Variants in FAM107A observed in about 807,000 individuals in gnomAD.
The protein encoded by FAM107A is family with sequence similarity 107 member A, also known as actin-associated protein FAM107A.
FAM107A carries 19 observed loss-of-function variants against 13.7 expected under a neutral mutation model. The observed-to-expected ratio is 1.38, with a 90% CI of 0.97 to 2.03. The LOEUF is 2.03. Among genes scored for constraint, FAM107A ranks in the 30% most tolerant of loss-of-function variants. The pLI is 0.00. For synonymous variants in FAM107A, 82 were observed against 74.5 expected (o/e 1.10, Z -0.52); for missense variants, 203 against 184.4 (o/e 1.10, Z -0.58).
chr3:58,617,524 C>T lies in FAM107A; in HGVS notation c.-70+9892G>A, dbSNP rs898634992. On this transcript the variant is annotated intron_variant, in intron 1 of 3. Transcript: ENST00000465970. This position sits in a 1 kb window ranked among gnomAD's most constrained non-coding sequence, Gnocchi z 4.5. ...AGTTCCAGCTCCTCGCCTTTCTCTC[C>T]GCCCCAGGCCCTGAGATCTGATCTC... Among the ~76,000 whole-genome samples, 18 of 152,210 alleles carry T rather than the reference C, an allele frequency of 1.2e-4. No homozygotes were observed. The highest frequency in any genetic ancestry group is 3.9e-4 in the East Asian group (2 of 5,168).
intron 1 of FAM107A, among the ~76,000 whole-genome samples, chr3:58,598,983 C>T (rs118002873): frequency 0.037 from 5,582 of 152,068 alleles, 212 homozygotes; most frequent in East Asian, 0.16. Context: ...CTCTTGTCGC[C>T]CAGGCTGGAG....
At position 58,604,498 on chromosome 3, in the gene FAM107A, A is replaced by G. The variant is rs888594450; in HGVS notation, c.-69-15229T>C. Among the ~76,000 whole-genome samples, 1 of 152,108 alleles carries G rather than the reference A, an allele frequency of 6.6e-6. No individual in the cohort carries two copies. The highest frequency in any genetic ancestry group is 6.5e-5 in the Admixed American group (1 of 15,268). On this transcript the variant is annotated intron_variant, in intron 1 of 3. Coordinates refer to the FAM107A transcript ENST00000465970. This position sits in a 1 kb window ranked among gnomAD's most constrained non-coding sequence, Gnocchi z 4.1. ...AGGCACAGAGCACTGAGGGACTCGC[A>G]CAGTGAGTTAGTGGCAGGGTCATAA...
intron 1 of FAM107A, among the ~76,000 whole-genome samples, chr3:58,574,894 G>A (rs960739101): frequency 6.6e-6 from 1 of 152,158 alleles, no homozygotes; most frequent in Non-Finnish European, 1.5e-5. Context: ...CACGGAGAGT[G>A]CACCGGGCCA....
At chr3:58,584,652 GC>G (rs1261661203) in intron 1 of FAM107A, among the ~76,000 whole-genome samples, 3 of 152,142 alleles carry the variant, frequency 2.0e-5, no homozygotes, top group African/African-American at 7.2e-5. Flanking sequence ...ACATATGGCC[GC>G]TTCACGCTGA....
At chr3:58,583,709 C>A (rs544456272) in intron 1 of FAM107A, among the ~76,000 whole-genome samples, 8 of 151,462 alleles carry the variant, frequency 5.3e-5, no homozygotes, top group Admixed American at 2.6e-4. Context: ...GGGACACGGT[C>A]TTGCTCTGTT....
intron 1 of FAM107A, among the ~76,000 whole-genome samples, chr3:58,625,134 C>T (rs2065999892): frequency 6.6e-6 from 1 of 152,150 alleles, no homozygotes; most frequent in Admixed American, 6.5e-5. Context: ...AAACAAACCC[C>T]ACCCCTCCAC....
rs759888601 is a variant in FAM107A at position 58,569,653 on chromosome 3, G to T, written c.170+38C>A. 5.1e-6 allele frequency: 8 copies of T among 1,570,514 alleles called. No homozygotes were observed. In the Admixed American group the frequency reaches 1.1e-4, roughly 21 times the overall value. On this transcript the variant is annotated intron_variant, in intron 2 of 3. Coordinates refer to ENST00000360997, the MANE Select transcript of FAM107A (RefSeq NM_001076778.3). The surrounding 1 kb of genome is among the most constrained non-coding windows in gnomAD (Gnocchi z 5.7). Reference sequence around the variant, plus strand: ...CCTTCCCCATCCCCCACAGGCCCAGGTGCTTGCGGGGCCCAGGCAGCAGGG... The same window carrying T: ...CCTTCCCCATCCCCCACAGGCCCAGTTGCTTGCGGGGCCCAGGCAGCAGGG...
At position 58,566,566 on chromosome 3, in the gene FAM107A, G is replaced by A. The variant is rs759768308; in HGVS notation, c.*22C>T. On this transcript the variant is annotated 3_prime_UTR_variant, in exon 4 of 4. Transcript: ENST00000360997. Reference sequence around the variant, plus strand: ...GGCTGTCCAGGCCAGGGTGGGCAGTGGCCTGAGCCCGGCAGCTGGCCCTAC... The same window carrying A: ...GGCTGTCCAGGCCAGGGTGGGCAGTAGCCTGAGCCCGGCAGCTGGCCCTAC... 26 of 1,580,472 alleles carry A rather than the reference G, an allele frequency of 1.6e-5. No homozygotes were observed. The highest frequency in any genetic ancestry group is 2.3e-5 in the Non-Finnish European group (26 of 1,150,500).
intron 1 of FAM107A, among the ~76,000 whole-genome samples, chr3:58,572,009 A>G (rs1224832395): frequency 6.6e-6 from 1 of 152,232 alleles, no homozygotes; most frequent in Non-Finnish European, 1.5e-5. Flanking sequence ...ATATTTGTAT[A>G]GATAAAGCCA....
Position 58,564,540 on chromosome 3 carries a change from G to T in FAM107A, c.*2048C>A, listed in dbSNP as rs1047890384. 1.3e-5 allele frequency: 2 copies of T among 152,276 alleles called. No homozygotes were observed. The allele number at this position is 152,276 out of a possible 1,614,324, so 9.4% of individuals were successfully genotyped here. On this transcript the variant is annotated 3_prime_UTR_variant, in exon 4 of 4. Coordinates refer to ENST00000360997, the MANE Select transcript of FAM107A (RefSeq NM_001076778.3). This position sits in a 1 kb window ranked among gnomAD's most constrained non-coding sequence, Gnocchi z 5.6. Reference sequence around the variant, plus strand: ...GTCGTCTGCACGGCTGCCCTGGAGGGCGTGGTGCTTGAGGTCCCTTCTACC... The same window carrying T: ...GTCGTCTGCACGGCTGCCCTGGAGGTCGTGGTGCTTGAGGTCCCTTCTACC...
intron 1 of FAM107A, among the ~76,000 whole-genome samples, chr3:58,609,425 A>C (rs2065831539): frequency 6.6e-6 from 1 of 152,188 alleles, no homozygotes; most frequent in Non-Finnish European, 1.5e-5. Flanking sequence ...CCCCTTCCTC[A>C]ATTAAGATAA....
chr3:58,626,146 T>G (rs9840306), intron 1 of FAM107A, among the ~76,000 whole-genome samples: 148,653 of 152,248 alleles, frequency 0.98, 72,673 homozygotes, highest in East Asian at 1. Context: ...GTCGTTGTGG[T>G]TGGAGAGCAG....
upstream of FAM107A, among the ~76,000 whole-genome samples, chr3:58,591,681 GCC>G (rs1405042204): frequency 6.6e-6 from 1 of 152,168 alleles, no homozygotes; most frequent in African/African-American, 2.4e-5. This position sits in a 1 kb window ranked among gnomAD's most constrained non-coding sequence, Gnocchi z 4.3. Context: ...TCAGGGAGGT[GCC>G]CCTCAACCAC....
upstream of FAM107A, among the ~76,000 whole-genome samples, chr3:58,587,787 G>C (rs1397096938): frequency 6.6e-6 from 1 of 152,066 alleles, no homozygotes; most frequent in African/African-American, 2.4e-5. Flanking sequence ...ACAAGAAGCT[G>C]GCAATTTTGA....
chr3:58,611,289 A>G (rs1177648964), intron 1 of FAM107A, among the ~76,000 whole-genome samples: 1 of 152,128 alleles, frequency 6.6e-6, no homozygotes, highest in Non-Finnish European at 1.5e-5. Context: ...GGCCCCCAAC[A>G]CCAGCTCCAT....
intron 1 of FAM107A, among the ~76,000 whole-genome samples, chr3:58,598,590 G>C (rs2065726438): frequency 6.6e-6 from 1 of 152,172 alleles, no homozygotes; most frequent in Non-Finnish European, 1.5e-5. Flanking sequence ...TTGCAAAATA[G>C]TTCACACAAG....
chr3:58,600,925 C>A (rs1416372731), intron 1 of FAM107A, among the ~76,000 whole-genome samples: 1 of 152,130 alleles, frequency 6.6e-6, no homozygotes, highest in Non-Finnish European at 1.5e-5. Context: ...AGAGCCATGC[C>A]CTGTGGAAAG....
In FAM107A at chr3:58,604,969, T is replaced by C. The variant is rs1248111794; in HGVS notation, c.-69-15700A>G. Among the ~76,000 whole-genome samples, 1 of 152,216 alleles carries C rather than the reference T, an allele frequency of 6.6e-6. No individual in the cohort carries two copies. The highest frequency in any genetic ancestry group is 2.4e-5 in the African/African-American group (1 of 41,458). ...TTGTTTTAGCAGGCAGTACAATTAT[T>C]AGGTGATCCCTTTGAAGTTCCATGG... On this transcript the variant is annotated intron_variant, in intron 1 of 3. Transcript: ENST00000465970. The surrounding 1 kb of genome is among the most constrained non-coding windows in gnomAD (Gnocchi z 4.1).
intron 3 of FAM107A, 170 bp downstream of exon 3, chr3:58,567,038 G>A (rs945802114): frequency 1.3e-6 from 1 of 790,150 alleles, no homozygotes; most frequent in African/African-American, 1.7e-5. Context: ...TCGCCCTAAG[G>A]ACCTAGCAAA....
Sources: allele counts gnomAD v4.1 joint callset (sites outside exome capture counted in the v4.1 genomes callset), GRCh38; gene constraint gnomAD v4.1.1; non-coding constraint Gnocchi (gnomAD v3.1); transcripts MANE v1.5; gene names NCBI Gene and HGNC (gene_info 2026-07-23, HGNC 2026-07-21).